AIM2: variants seen among roughly 807,000 people sequenced by gnomAD.
The protein encoded by AIM2 is interferon-inducible protein AIM2.
AIM2 carries 30 observed loss-of-function variants against 27.7 expected under a neutral mutation model. The ratio of observed to expected loss-of-function variants is 1.08; its 90% confidence interval spans 0.81 to 1.47. AIM2 has a LOEUF of 1.47. AIM2 is among the 40% of genes most tolerant of loss of function. AIM2 has a pLI of 0.00. For missense variants in AIM2, 358 were observed against 411.3 expected (o/e 0.87, Z 1.12); for synonymous variants, 141 against 145.3 (o/e 0.97, Z 0.21).
downstream of AIM2, among the ~76,000 whole-genome samples, chr1:159,058,404 G>T (rs1184385685): frequency 6.6e-6 from 1 of 151,858 alleles, no homozygotes; most frequent in Non-Finnish European, 1.5e-5. Flanking sequence ...GACCTGGGGA[G>T]GGAGAGACTT....
chr1:159,112,938 T>C, intron 1 of AIM2, among the ~76,000 whole-genome samples: 1 of 150,516 alleles, frequency 6.6e-6, no homozygotes, highest in South Asian at 2.1e-4. Context: ...TACATACATA[T>C]ATATATATAT....
intron 1 of AIM2, among the ~76,000 whole-genome samples, chr1:159,109,925 G>T (rs1657529663): frequency 6.6e-6 from 1 of 152,202 alleles, no homozygotes; most frequent in African/African-American, 2.4e-5. Context: ...TGGCATGGAA[G>T]TGGTGAACAG....
chr1:159,092,409 G>A (rs891666277), intron 1 of AIM2, among the ~76,000 whole-genome samples: 3 of 152,098 alleles, frequency 2.0e-5, no homozygotes, highest in Non-Finnish European at 4.4e-5. Context: ...AACATACTCC[G>A]CAATTACACA....
intron 1 of AIM2, among the ~76,000 whole-genome samples, chr1:159,133,321 C>G (rs923513189): frequency 5.3e-5 from 8 of 152,198 alleles, no homozygotes; most frequent in Non-Finnish European, 8.8e-5. Flanking sequence ...ACTGTTGAAA[C>G]TGAGTGGTGG....
intron 1 of AIM2, among the ~76,000 whole-genome samples, chr1:159,082,580 A>G (rs890658809): frequency 6.6e-6 from 1 of 152,054 alleles, no homozygotes; most frequent in Non-Finnish European, 1.5e-5. Flanking sequence ...GTGCACCACC[A>G]CACCTAGCAA....
upstream of AIM2, among the ~76,000 whole-genome samples, chr1:159,140,909 A>C (rs1228900668): frequency 6.6e-6 from 1 of 152,180 alleles, no homozygotes; most frequent in African/African-American, 2.4e-5. Flanking sequence ...AGGGGTACAA[A>C]CTTTTCACAG....
At chr1:159,106,544 GA>G (rs973442111) in intron 1 of AIM2, among the ~76,000 whole-genome samples, 2 of 152,214 alleles carry the variant, frequency 1.3e-5, no homozygotes, top group African/African-American at 2.4e-5. Flanking sequence ...AAGCCTTGTA[GA>G]AAATATCCAT....
Position 159,073,442 on chromosome 1 carries a change from C to T in AIM2, c.58G>A (p.Glu20Lys). 6.2e-7 allele frequency: 1 copy of T among 1,614,108 alleles called. No individual in the cohort carries two copies. ...LLTGLDNITD[E>K]ELDRFKFFLS... ...AAGAACTTAAACCTATCCAGTTCCT[C>T]ATCAGTGATGTTATCCAGGCCTGTT... Residue 20 changes from glutamate to lysine, a missense_variant, in exon 2 of 6, where the codon GAG (glutamate) becomes AAG (lysine). By Grantham distance (56) the Glu-to-Lys change is moderately conservative. Coordinates refer to ENST00000368130, the MANE Select transcript of AIM2 (RefSeq NM_004833.3).
chr1:159,114,515 G>C (rs1570972402), intron 1 of AIM2, among the ~76,000 whole-genome samples: 1 of 152,178 alleles, frequency 6.6e-6, no homozygotes, highest in Non-Finnish European at 1.5e-5. Flanking sequence ...CCAGGAGTTT[G>C]AGACCAGCCT....
At chr1:159,128,752 C>T (rs1317151821) in intron 1 of AIM2, among the ~76,000 whole-genome samples, 2 of 152,144 alleles carry the variant, frequency 1.3e-5, no homozygotes, top group Non-Finnish European at 2.9e-5. Flanking sequence ...TGACAATAAA[C>T]TTCATCTGGT....
At chr1:159,060,735 A>G (rs188006214), downstream of AIM2, among the ~76,000 whole-genome samples, 2 of 152,296 alleles carry the variant, frequency 1.3e-5, no homozygotes, top group Admixed American at 6.5e-5. Flanking sequence ...TATTCTTTTT[A>G]TTGCAGAGTA....
At chr1:159,119,440 T>C (rs1430240840) in intron 1 of AIM2, among the ~76,000 whole-genome samples, 1 of 152,182 alleles carries the variant, frequency 6.6e-6, no homozygotes, top group Non-Finnish European at 1.5e-5. Flanking sequence ...TTTGTTAATA[T>C]GATCAATCAC....
At chr1:159,061,628 C>T (rs1655842062), downstream of AIM2, among the ~76,000 whole-genome samples, 1 of 141,262 alleles carries the variant, frequency 7.1e-6, no homozygotes. Flanking sequence ...TGGTCTCAAA[C>T]TCCTGACCTC....
intron 1 of AIM2, among the ~76,000 whole-genome samples, chr1:159,085,692 G>T (rs777303824): frequency 2.6e-5 from 4 of 152,286 alleles, no homozygotes; most frequent in Middle Eastern, 6.8e-3. Context: ...GAAGGAGAAG[G>T]GGGCAGGCCT....
intron 1 of AIM2, among the ~76,000 whole-genome samples, chr1:159,102,198 C>T (rs1461297659): frequency 6.6e-6 from 1 of 152,236 alleles, no homozygotes; most frequent in Non-Finnish European, 1.5e-5. Context: ...TCCAGTGCTT[C>T]AGAGGGTGCA....
chr1:159,112,780 T>C (rs551976120), intron 1 of AIM2, among the ~76,000 whole-genome samples: 41 of 152,182 alleles, frequency 2.7e-4, no homozygotes, highest in Admixed American at 1.8e-3. Flanking sequence ...AAATAGAAGT[T>C]AAAATATGTG....
At chr1:159,094,684 C>A (rs1286990529) in intron 1 of AIM2, among the ~76,000 whole-genome samples, 1 of 152,082 alleles carries the variant, frequency 6.6e-6, no homozygotes, top group African/African-American at 2.4e-5. Context: ...GGCGACAGAG[C>A]GAGACTCTGT....
At chr1:159,134,541 C>T (rs1390888807) in intron 1 of AIM2, among the ~76,000 whole-genome samples, 2 of 152,194 alleles carry the variant, frequency 1.3e-5, no homozygotes, top group African/African-American at 2.4e-5. Context: ...GCTTTACAGT[C>T]CTTCATCCGG....
At position 159,066,186 on chromosome 1, in the gene AIM2, T is replaced by G; in HGVS notation, c.540A>C (p.Thr180=). 1 of 1,614,234 alleles carries G rather than the reference T, an allele frequency of 6.2e-7. No homozygotes were observed. Among genetic ancestry groups the G allele is most frequent in the Non-Finnish European group, 8.5e-7 (1 of 1,180,036 alleles). Residue 180 remains threonine, a synonymous_variant, in exon 4 of 6, where the codon ACA becomes ACC. Coordinates refer to ENST00000368130, the MANE Select transcript of AIM2 (RefSeq NM_004833.3). The stretch of plus-strand genomic sequence containing the variant: ...AGAAGAATTCCTTTTCTGTAGCCAC[T>G]GTAGCATGAAACATCTCCTGCTTGC... ...QEGKQEMFHA[T]VATEKEFFFV...
Sources: allele counts gnomAD v4.1 joint callset (sites outside exome capture counted in the v4.1 genomes callset), GRCh38; gene constraint gnomAD v4.1.1; transcripts MANE v1.5; gene names NCBI Gene and HGNC (gene_info 2026-07-23, HGNC 2026-07-21).